The following DNAJB1 variants were observed in gnomAD, a reference collection of about 807,000 sequenced individuals.
The protein encoded by DNAJB1 is DnaJ heat shock protein family (Hsp40) member B1.
Under a neutral mutation model 24.0 loss-of-function variants are expected in DNAJB1, and 14 were observed. That is an observed-to-expected ratio of 0.58 (90% CI 0.39 to 0.91). DNAJB1 has a LOEUF of 0.91. Among genes scored for constraint, DNAJB1 ranks in the 40% least tolerant of loss-of-function variants. The pLI is 0.00. For synonymous variants in DNAJB1, 262 were observed against 174.4 expected (o/e 1.50, Z -3.96); for missense variants, 517 against 458.1 (o/e 1.13, Z -1.17).
Position 14,557,258 on chromosome 19 carries a change from A to T in DNAJB1, c.-2166+2773T>A, listed in dbSNP as rs146287320. 2.8e-3 allele frequency among the ~76,000 whole-genome samples: 419 copies of T among 151,518 alleles called. 2 individuals are homozygous for T. Among genetic ancestry groups the T allele is most frequent in the Non-Finnish European group, 3.4e-3 (234 of 67,930 alleles). On this transcript the variant is annotated intron_variant, in intron 1 of 5. Transcript: ENST00000679223. ...TGAGTTCAAGCAATTCTCCTGACTC[A>T]ACCTCCTGAGTAGCTGGGATTACAG...
chr19:14,525,163 G>A (rs923396502), intron 2 of DNAJB1, among the ~76,000 whole-genome samples: 8 of 151,894 alleles, frequency 5.3e-5, no homozygotes, highest in African/African-American at 1.9e-4. Context: ...AACCCAGAAG[G>A]TGGAGGTTGC....
intron 1 of DNAJB1, among the ~76,000 whole-genome samples, chr19:14,557,133 A>T (rs967709567): frequency 2.0e-5 from 3 of 149,738 alleles, no homozygotes; most frequent in African/African-American, 7.4e-5. Context: ...TTATTTATTT[A>T]TTTATTTATT....
upstream of DNAJB1, among the ~76,000 whole-genome samples, chr19:14,521,248 C>A (rs2072356018): frequency 6.6e-6 from 1 of 151,934 alleles, no homozygotes; most frequent in Non-Finnish European, 1.5e-5. Flanking sequence ...CACCTGAGGT[C>A]AGGAGTTCGA....
chr19:14,552,427 A>G (rs1342348492), upstream of DNAJB1, among the ~76,000 whole-genome samples: 1 of 151,896 alleles, frequency 6.6e-6, no homozygotes, highest in Non-Finnish European at 1.5e-5. Context: ...AGCTGGGTGG[A>G]CACTCACATG....
At chr19:14,529,646 C>T (rs760411442), upstream of DNAJB1, 6 of 1,613,438 alleles carry the variant, frequency 3.7e-6, no homozygotes, top group South Asian at 1.1e-5. Flanking sequence ...TGCTGTGCCG[C>T]GCAGTTAGGC....
chr19:14,529,818 G>A, upstream of DNAJB1: 1 of 1,533,150 alleles, frequency 6.5e-7, no homozygotes, highest in East Asian at 2.3e-5. Context: ...CGAAGGAAGA[G>A]CCAGACGGCG....
chr19:14,523,590 G>A (rs1286253316), intron 2 of DNAJB1, among the ~76,000 whole-genome samples: 2 of 151,082 alleles, frequency 1.3e-5, no homozygotes, highest in East Asian at 1.9e-4. Flanking sequence ...GGGATTACAA[G>A]GGTTGAACCC....
At chr19:14,556,413 A>AAAAACCAAAAAC (rs1555735954) in intron 1 of DNAJB1, among the ~76,000 whole-genome samples, 2 of 86,514 alleles carry the variant, frequency 2.3e-5, no homozygotes, top group African/African-American at 6.3e-5. Flanking sequence ...TCTCTCAAAA[A>AAAAACCAAAAAC]AAAAACAAAA....
intron 1 of DNAJB1, among the ~76,000 whole-genome samples, chr19:14,548,821 C>T (rs1036260889): frequency 2.0e-5 from 3 of 152,054 alleles, no homozygotes; most frequent in South Asian, 2.1e-4. Context: ...GTGATCTGCT[C>T]ACTTTGGCCT....
chr19:14,530,067 G>GCA (rs896918578), upstream of DNAJB1: 1 of 402,964 alleles, frequency 2.5e-6, no homozygotes, highest in Non-Finnish European at 4.7e-6. Context: ...AGGGAGTCTT[G>GCA]CACAAATCTT....
At chr19:14,540,592 G>T in intron 1 of DNAJB1, among the ~76,000 whole-genome samples, 2 of 151,584 alleles carry the variant, frequency 1.3e-5, no homozygotes, top group Middle Eastern at 7.0e-3. Flanking sequence ...GGGTTTCATT[G>T]TGTTGGCCAG....
At chr19:14,559,570 T>C (rs2073843862) in intron 1 of DNAJB1, among the ~76,000 whole-genome samples, 1 of 152,146 alleles carries the variant, frequency 6.6e-6, no homozygotes, top group African/African-American at 2.4e-5. Context: ...GTGGATTGCC[T>C]GAGCTCAGGA....
chr19:14,516,343 T>C, intron 2 of DNAJB1, 123 bp downstream of exon 2: 1 of 1,282,388 alleles, frequency 7.8e-7, no homozygotes, highest in Non-Finnish European at 1.1e-6. Context: ...GTCAGTCCTG[T>C]TCACTGTTGT....
upstream of DNAJB1, among the ~76,000 whole-genome samples, chr19:14,532,838 G>A (rs1339355510): frequency 6.6e-6 from 1 of 152,174 alleles, no homozygotes; most frequent in Non-Finnish European, 1.5e-5. Flanking sequence ...GGCCGGGCGA[G>A]GTGGCTCATG....
At chr19:14,538,647 C>T (rs1000000469) in intron 1 of DNAJB1, among the ~76,000 whole-genome samples, 1 of 151,550 alleles carries the variant, frequency 6.6e-6, no homozygotes, top group Non-Finnish European at 1.5e-5. Flanking sequence ...ATTGTCCTGC[C>T]TCAGCCTCCC....
At chr19:14,554,938 C>A (rs893045416), upstream of DNAJB1, among the ~76,000 whole-genome samples, 11 of 151,738 alleles carry the variant, frequency 7.2e-5, no homozygotes, top group Admixed American at 7.2e-4. Flanking sequence ...GCCACCATGC[C>A]CAGCTAATTT....
At chr19:14,554,904 G>A (rs1568419452), upstream of DNAJB1, among the ~76,000 whole-genome samples, 1 of 151,818 alleles carries the variant, frequency 6.6e-6, no homozygotes, top group Non-Finnish European at 1.5e-5. Context: ...TCAGCCTCCT[G>A]AGTAGCTGGG....
chr19:14,534,225 C>T (rs888997358), upstream of DNAJB1, among the ~76,000 whole-genome samples: 13 of 150,846 alleles, frequency 8.6e-5, no homozygotes, highest in East Asian at 7.9e-4. Flanking sequence ...CCCGGGTTCA[C>T]GCCATTCTCC....
At chr19:14,552,427 A>C (rs1342348492), upstream of DNAJB1, among the ~76,000 whole-genome samples, 1 of 151,896 alleles carries the variant, frequency 6.6e-6, no homozygotes, top group African/African-American at 2.4e-5. Flanking sequence ...AGCTGGGTGG[A>C]CACTCACATG....
Sources: allele counts gnomAD v4.1 joint callset (sites outside exome capture counted in the v4.1 genomes callset), GRCh38; gene constraint gnomAD v4.1.1; transcripts MANE v1.5; gene names NCBI Gene and HGNC (gene_info 2026-07-23, HGNC 2026-07-21).